ACOT11: variants seen among roughly 807,000 people sequenced by gnomAD.
ACOT11 encodes the protein acyl-coenzyme A thioesterase 11.
ACOT11 carries 69 observed loss-of-function variants against 77.5 expected under a neutral mutation model. That is an observed-to-expected ratio of 0.89 (90% CI 0.73 to 1.09). The LOEUF is 1.09. Among genes scored for constraint, ACOT11 ranks in the 50% least tolerant of loss-of-function variants. The pLI is 0.00. For missense variants in ACOT11, 766 were observed against 813.7 expected, an observed-to-expected ratio of 0.94 and a Z score of 0.71; for synonymous variants, 279 against 313.0, an observed-to-expected ratio of 0.89 and a Z score of 1.15.
chr1:54,603,793 A>G (rs1488300114), intron 10 of ACOT11, 78 bp from the exon 11 acceptor site: 3 of 1,363,010 alleles, frequency 2.2e-6, no homozygotes, highest in Non-Finnish European at 3.1e-6. Context: ...GGCCTAGCAC[A>G]GAGTAGGCCT....
downstream of ACOT11, chr1:54,614,676 T>A: frequency 1.9e-6 from 3 of 1,600,206 alleles, no homozygotes; most frequent in Non-Finnish European, 2.6e-6. Flanking sequence ...TGGACACAGC[T>A]GGGACAGAGA....
rs376959997 is a variant in ACOT11, at chr1:54,549,647, A to G, written c.33+1305A>G. Among the ~76,000 whole-genome samples the G allele has an allele frequency of 6.6e-5, 10 of 152,312 alleles. No homozygotes were observed. In the East Asian group the frequency reaches 1.5e-3, roughly 24 times the overall value. ...TGGATTGTGTGCTAGACTGGCACATACATCCCTCCCACCAGCCAGGGAGCA... is the reference window on the plus strand; with the variant it reads ...TGGATTGTGTGCTAGACTGGCACATGCATCCCTCCCACCAGCCAGGGAGCA... On this transcript the variant is annotated intron_variant, in intron 1 of 15. Coordinates refer to ENST00000343744, the MANE Select transcript of ACOT11 (RefSeq NM_147161.4).
rs1219765460 is a variant in ACOT11, at chr1:54,593,929, G to T, written c.373-12G>T. 1.2e-6 allele frequency: 2 copies of T among 1,612,908 alleles called. No homozygotes were observed. Among genetic ancestry groups the T allele is most frequent in the South Asian group, 2.2e-5 (2 of 91,002 alleles). The stretch of plus-strand genomic sequence containing the variant: ...TGTTCCTCATTCCTTCGCCCTTACT[G>T]TTCCTCTCCAGGTGGGCATCCAGGT... On this transcript the variant is annotated splice_polypyrimidine_tract_variant and intron_variant, in intron 4 of 15. Transcript: ENST00000343744.
At chr1:54,569,242 A>C (rs1313568450) in intron 1 of ACOT11, among the ~76,000 whole-genome samples, 1 of 151,896 alleles carries the variant, frequency 6.6e-6, no homozygotes, top group Non-Finnish European at 1.5e-5. Flanking sequence ...GATTACAGGC[A>C]TGAGCCACTG....
chr1:54,616,287 A>G (rs1347044450), intron 15 of ACOT11: 3 of 911,006 alleles, frequency 3.3e-6, no homozygotes, highest in African/African-American at 3.3e-5. Context: ...AAAGTGGAAG[A>G]GGAAAATATT....
intron 1 of ACOT11, among the ~76,000 whole-genome samples, chr1:54,582,268 G>A (rs934275647): frequency 6.6e-6 from 1 of 152,150 alleles, no homozygotes; most frequent in South Asian, 2.1e-4. Flanking sequence ...GATGTGGCTT[G>A]GGAAGGGGGA....
chr1:54,635,862 A>G (rs1362312242), exon 17 of ACOT11: 1 of 152,752 alleles, frequency 6.5e-6, no homozygotes, highest in Non-Finnish European at 1.5e-5. Context: ...CAGCACTAAA[A>G]CATGTCCATA....
chr1:54,596,684 G>A (rs1388578720), intron 6 of ACOT11, among the ~76,000 whole-genome samples: 2 of 151,958 alleles, frequency 1.3e-5, no homozygotes, highest in African/African-American at 2.4e-5. Flanking sequence ...AGTGATTCTC[G>A]TGGCTCAGCC....
intron 15 of ACOT11, among the ~76,000 whole-genome samples, chr1:54,608,457 G>A (rs1243643236): frequency 2.0e-5 from 3 of 152,090 alleles, no homozygotes; most frequent in African/African-American, 4.8e-5. Context: ...GAGGGAAAGC[G>A]AGGGTGGGGT....
At chr1:54,588,726 A>T (rs146178376) in intron 3 of ACOT11, among the ~76,000 whole-genome samples, 165 of 152,216 alleles carry the variant, frequency 1.1e-3, no homozygotes, top group African/African-American at 3.7e-3. Context: ...AAGTTCTTTT[A>T]CTTAGGGGAG....
intron 16 of ACOT11, among the ~76,000 whole-genome samples, chr1:54,631,472 G>T (rs1329336291): frequency 6.6e-6 from 1 of 152,186 alleles, no homozygotes; most frequent in Non-Finnish European, 1.5e-5. Context: ...ACTTGAGCTT[G>T]TGTAACTCCT....
downstream of ACOT11, among the ~76,000 whole-genome samples, chr1:54,614,165 TTC>T (rs1329748417): frequency 1.3e-5 from 2 of 152,180 alleles, no homozygotes; most frequent in Non-Finnish European, 2.9e-5. Flanking sequence ...ATCAAAGACA[TTC>T]TCTCTCTTTG....
chr1:54,566,380 C>A (rs548439167), intron 1 of ACOT11, among the ~76,000 whole-genome samples: 104 of 151,460 alleles, frequency 6.9e-4, no homozygotes, highest in African/African-American at 2.4e-3. Flanking sequence ...TCGCTAGAAC[C>A]CGGGAGATGG....
At chr1:54,610,993 G>A (rs931573098), downstream of ACOT11, 108 of 985,290 alleles carry the variant, frequency 1.1e-4, no homozygotes, top group Non-Finnish European at 1.3e-4. Flanking sequence ...CAGCAGTGGA[G>A]CTATGCACCA....
intron 16 of ACOT11, among the ~76,000 whole-genome samples, chr1:54,634,119 T>A (rs1457995449): frequency 3.9e-5 from 6 of 152,192 alleles, no homozygotes; most frequent in Non-Finnish European, 8.8e-5. Flanking sequence ...AAAATTACTG[T>A]CCCTCTCACA....
At chr1:54,557,093 A>T (rs1348764921) in intron 1 of ACOT11, among the ~76,000 whole-genome samples, 2 of 151,768 alleles carry the variant, frequency 1.3e-5, no homozygotes, top group African/African-American at 2.4e-5. Flanking sequence ...AAAAAAATTA[A>T]AAAAAATTTT....
rs185482344 is a variant in ACOT11, at chr1:54,615,608, G to C, written c.1629+7540G>C. 2.2e-3 allele frequency among the ~76,000 whole-genome samples: 333 copies of C among 152,102 alleles called. 2 individuals are homozygous for C. The highest frequency in any genetic ancestry group is 0.021 in the Admixed American group (314 of 15,286). Reference sequence around the variant, plus strand: ...TAGGATTGGTGGATGCAGCAACTGAGTTGCCGTGAGGATGAGGGAGAGGGA... The same window carrying C: ...TAGGATTGGTGGATGCAGCAACTGACTTGCCGTGAGGATGAGGGAGAGGGA... On this transcript the variant is annotated intron_variant, in intron 15 of 16. Coordinates refer to the ACOT11 transcript ENST00000371316.
intron 1 of ACOT11, among the ~76,000 whole-genome samples, chr1:54,575,578 A>G (rs1052258665): frequency 4.7e-4 from 71 of 151,692 alleles, no homozygotes; most frequent in African/African-American, 1.7e-3. Flanking sequence ...ACTGAAAAAA[A>G]TCTCATGCAT....
intron 10 of ACOT11, among the ~76,000 whole-genome samples, chr1:54,603,179 A>C (rs1023685670): frequency 6.6e-6 from 1 of 152,240 alleles, no homozygotes; most frequent in Non-Finnish European, 1.5e-5. Flanking sequence ...TCTACTAAAA[A>C]TACAAAAATT....
Sources: allele counts gnomAD v4.1 joint callset (sites outside exome capture counted in the v4.1 genomes callset), GRCh38; gene constraint gnomAD v4.1.1; transcripts MANE v1.5; gene names NCBI Gene and HGNC (gene_info 2026-07-23, HGNC 2026-07-21).